PRKN: variants seen among roughly 807,000 people sequenced by gnomAD.
The protein encoded by PRKN is E3 ubiquitin-protein ligase parkin.
In PRKN, 56 loss-of-function variants were observed where a neutral mutation model predicts 59.5. That is an observed-to-expected ratio of 0.94 (90% CI 0.76 to 1.18). The LOEUF (loss-of-function observed/expected upper bound fraction) is 1.18, where lower values mean the gene tolerates loss of function less well. PRKN is among the 50% of genes most tolerant of loss of function. The probability of loss-of-function intolerance (pLI) is 0.00; values close to 1 mark genes in which losing one functional copy is unlikely to be tolerated. For synonymous variants in PRKN, 250 were observed against 222.1 expected (o/e 1.13, Z -1.12); for missense variants, 657 against 596.4 (o/e 1.10, Z -1.06).
intron 5 of PRKN, among the ~76,000 whole-genome samples, chr6:162,048,292 A>G (rs1420628584): frequency 6.6e-6 from 1 of 152,316 alleles, no homozygotes; most frequent in African/African-American, 2.4e-5. Context: ...TAAAGAGATC[A>G]CTTAAATTTT....
intron 1 of PRKN, among the ~76,000 whole-genome samples, chr6:162,656,585 T>C (rs975823145): frequency 3.3e-5 from 5 of 152,248 alleles, no homozygotes; most frequent in Admixed American, 6.5e-5. Context: ...GTCTCTGCCA[T>C]AGCACATGAA....
At chr6:162,584,222 AAACAAAAAACAAAAAACAAAAAAC>A (rs1562408273) in intron 1 of PRKN, among the ~76,000 whole-genome samples, 7 of 77,762 alleles carry the variant, frequency 9.0e-5, no homozygotes, top group Admixed American at 1.3e-4. Flanking sequence ...CAAAAAAAAA[AAACAAAAAACAAAAAACAAAAAAC>A]AAAAAAAAAA....
chr6:161,617,186 T>C (rs1782729690), intron 7 of PRKN, among the ~76,000 whole-genome samples: 1 of 152,236 alleles, frequency 6.6e-6, no homozygotes, highest in African/African-American at 2.4e-5. Context: ...TTCATATGCT[T>C]GTTGGCCGCG....
chr6:162,035,179 A>G (rs981029859), intron 5 of PRKN, among the ~76,000 whole-genome samples: 3 of 151,504 alleles, frequency 2.0e-5, no homozygotes, highest in African/African-American at 7.3e-5. Flanking sequence ...ATATATATAT[A>G]GAGAGAGGCT....
chr6:161,533,298 C>T lies in PRKN; in HGVS notation c.1083+15556G>A, dbSNP rs1047221701. ...ACTTGGGCAGTGAGGGTATGGAAGT[C>T]CTCAGTAAGGTTTTCTTCTTAATGA... On this transcript the variant is annotated intron_variant, in intron 9 of 11. Coordinates refer to ENST00000366898, the MANE Select transcript of PRKN (RefSeq NM_004562.3). This position sits in a 1 kb window ranked among gnomAD's most constrained non-coding sequence, Gnocchi z 4.1. 1.8e-4 allele frequency among the ~76,000 whole-genome samples: 27 copies of T among 152,064 alleles called. No homozygotes were observed. The highest frequency in any genetic ancestry group is 6.5e-4 in the African/African-American group (27 of 41,384).
chr6:161,901,096 T>C (rs1486379695), intron 6 of PRKN, among the ~76,000 whole-genome samples: 3 of 151,604 alleles, frequency 2.0e-5, no homozygotes, highest in Non-Finnish European at 4.4e-5. Context: ...TTTTGTATTT[T>C]TAGTAGAGAT....
intron 6 of PRKN, among the ~76,000 whole-genome samples, chr6:161,829,374 G>C (rs1230469713): frequency 6.6e-6 from 1 of 152,184 alleles, no homozygotes; most frequent in African/African-American, 2.4e-5. Flanking sequence ...GACTGCACTG[G>C]TGGCATTGTG....
chr6:161,727,733 T>C (rs1219074256), intron 7 of PRKN, among the ~76,000 whole-genome samples: 1 of 152,204 alleles, frequency 6.6e-6, no homozygotes, highest in African/African-American at 2.4e-5. Context: ...GCATTAGCTG[T>C]TATTCCTACC....
chr6:161,858,137 G>T (rs1793731777), intron 6 of PRKN, among the ~76,000 whole-genome samples: 1 of 152,204 alleles, frequency 6.6e-6, no homozygotes, highest in Admixed American at 6.5e-5. Context: ...GCTTGCCAGG[G>T]TAGTTGATTC....
intron 1 of PRKN, among the ~76,000 whole-genome samples, chr6:162,661,257 G>A (rs1778867982): frequency 6.6e-6 from 1 of 151,458 alleles, no homozygotes; most frequent in Non-Finnish European, 1.5e-5. Flanking sequence ...ATGAAACTCT[G>A]TCTAAAAAAA....
intron 1 of PRKN, among the ~76,000 whole-genome samples, chr6:162,612,384 C>A (rs112747837): frequency 4.8e-4 from 73 of 151,594 alleles, no homozygotes; most frequent in Non-Finnish European, 4.7e-4. Context: ...GGGATCAGGC[C>A]GGACGAAGGT....
intron 1 of PRKN, among the ~76,000 whole-genome samples, chr6:162,558,751 G>C (rs963415204): frequency 6.6e-6 from 1 of 151,792 alleles, no homozygotes; most frequent in African/African-American, 2.4e-5. Context: ...CGATTCTTCT[G>C]CCTCAGCCTC....
In PRKN at chr6:161,463,993, G is replaced by A. The variant is rs912251610; in HGVS notation, c.1084-77116C>T. 7.9e-5 allele frequency among the ~76,000 whole-genome samples: 12 copies of A among 151,830 alleles called. No individual in the cohort carries two copies. The highest frequency in any genetic ancestry group is 3.9e-4 in the East Asian group (2 of 5,188). On this transcript the variant is annotated intron_variant, in intron 9 of 11. Coordinates refer to ENST00000366898, the MANE Select transcript of PRKN (RefSeq NM_004562.3). This position sits in a 1 kb window ranked among gnomAD's most constrained non-coding sequence, Gnocchi z 4.8. ...TTTTGTTTTTTTGAGAAGGAGTTTC[G>A]CTCTTGTTGCCCAGGCTGAAGTGCA...
chr6:161,575,182 AAGCATATAAACAC>A lies in PRKN; in HGVS notation c.872-5779_872-5767del, dbSNP rs1379297733. 6.6e-6 allele frequency among the ~76,000 whole-genome samples: 1 copy of A among 152,228 alleles called. No individual in the cohort carries two copies. The highest frequency in any genetic ancestry group is 1.9e-4 in the East Asian group (1 of 5,194). ...AAAATGAATAAGACAATTTGTTAAA[AAGCATATAAACAC>A]AGGATTGAATCTTATTTTAAAGGAC... On this transcript the variant is annotated intron_variant, in intron 7 of 11. Coordinates refer to ENST00000366898, the MANE Select transcript of PRKN (RefSeq NM_004562.3). The surrounding 1 kb of genome is among the most constrained non-coding windows in gnomAD (Gnocchi z 4.6).
At chr6:161,750,110 T>TACACACACACAC (rs1289449478) in intron 7 of PRKN, among the ~76,000 whole-genome samples, 3 of 103,940 alleles carry the variant, frequency 2.9e-5, no homozygotes, top group African/African-American at 9.9e-5. Context: ...TATATATATA[T>TACACACACACAC]ATATATATAC....
intron 1 of PRKN, among the ~76,000 whole-genome samples, chr6:162,692,504 T>G (rs1304521354): frequency 6.6e-6 from 1 of 152,048 alleles, no homozygotes; most frequent in Non-Finnish European, 1.5e-5. Context: ...GAAGTTTGAC[T>G]ACAGGAGGGG....
chr6:161,637,027 C>A (rs1451573269), intron 7 of PRKN, among the ~76,000 whole-genome samples: 4 of 152,212 alleles, frequency 2.6e-5, no homozygotes, highest in Admixed American at 2.6e-4. Flanking sequence ...GCCACTGCAG[C>A]TCTGAGAGGC....
chr6:161,886,316 A>G (rs1364978086), intron 6 of PRKN, among the ~76,000 whole-genome samples: 3 of 152,234 alleles, frequency 2.0e-5, no homozygotes, highest in Admixed American at 6.5e-5. Context: ...ATTTCTTGAA[A>G]CCATAATTAA....
At chr6:161,883,790 T>G (rs1583296610) in intron 6 of PRKN, among the ~76,000 whole-genome samples, 1 of 151,952 alleles carries the variant, frequency 6.6e-6, no homozygotes, top group Admixed American at 6.6e-5. Context: ...GTAGCTGGGA[T>G]TACAGCCGCG....
Sources: allele counts gnomAD v4.1 joint callset (sites outside exome capture counted in the v4.1 genomes callset), GRCh38; gene constraint gnomAD v4.1.1; non-coding constraint Gnocchi (gnomAD v3.1); transcripts MANE v1.5; gene names NCBI Gene and HGNC (gene_info 2026-07-23, HGNC 2026-07-21).